Variants in CEPT1 observed in about 807,000 individuals in gnomAD.
CEPT1 encodes choline/ethanolamine phosphotransferase 1.
Under a neutral mutation model 42.6 loss-of-function variants are expected in CEPT1, and 7 were observed. The ratio of observed to expected loss-of-function variants is 0.16; its 90% confidence interval spans 0.09 to 0.31. The LOEUF is 0.31. Among genes scored for constraint, CEPT1 ranks in the 10% least tolerant of loss-of-function variants. The pLI, the probability that CEPT1 is intolerant of heterozygous loss-of-function variation, is 1.00. For synonymous variants in CEPT1, 171 were observed against 171.9 expected, an observed-to-expected ratio of 0.99 and a Z score of 0.04; for missense variants, 306 against 502.1, an observed-to-expected ratio of 0.61 and a Z score of 3.73.
chr1:111,144,255 T>G (rs1482813978), intron 1 of CEPT1, among the ~76,000 whole-genome samples: 2 of 152,080 alleles, frequency 1.3e-5, no homozygotes, highest in East Asian at 3.9e-4. Context: ...GAAGGAAGAG[T>G]AGAGATGAAC....
intron 4 of CEPT1, 27 bp downstream of exon 4, chr1:111,161,323 G>T: frequency 6.4e-7 from 1 of 1,574,230 alleles, no homozygotes; most frequent in Non-Finnish European, 8.6e-7. Flanking sequence ...GGTAATTTTT[G>T]TTTTCTCTTT....
At chr1:111,147,344 C>T (rs1349926655) in intron 1 of CEPT1, among the ~76,000 whole-genome samples, 1 of 152,170 alleles carries the variant, frequency 6.6e-6, no homozygotes, top group African/African-American at 2.4e-5. Flanking sequence ...TTGCATTATA[C>T]AACTGAAAGC....
intron 4 of CEPT1, among the ~76,000 whole-genome samples, chr1:111,171,781 C>G (rs970691232): frequency 1.3e-5 from 2 of 152,252 alleles, no homozygotes; most frequent in African/African-American, 4.8e-5. Flanking sequence ...TCTTGTTGCC[C>G]AGGCTGGAGT....
chr1:111,160,731 T>G (rs1244725575), intron 3 of CEPT1: 1 of 165,006 alleles, frequency 6.1e-6, no homozygotes, highest in African/African-American at 2.4e-5. Flanking sequence ...ATGTCACCCA[T>G]AACAATATCT....
intron 4 of CEPT1, among the ~76,000 whole-genome samples, chr1:111,162,929 G>A (rs1655943954): frequency 6.6e-6 from 1 of 152,092 alleles, no homozygotes; most frequent in Non-Finnish European, 1.5e-5. Flanking sequence ...GAGAGAATAT[G>A]GGCTCAAAGG....
chr1:111,175,498 C>CT, intron 5 of CEPT1, among the ~76,000 whole-genome samples: 1 of 152,272 alleles, frequency 6.6e-6, no homozygotes, highest in South Asian at 2.1e-4. Flanking sequence ...CCACAAACCT[C>CT]TGAGGTAGGG....
At position 111,151,620 on chromosome 1, in the gene CEPT1, T is replaced by C. The variant is rs564575724; in HGVS notation, c.339+3567T>C. Among the ~76,000 whole-genome samples, 7 of 152,306 alleles carry C rather than the reference T, an allele frequency of 4.6e-5. No homozygotes were observed. In the South Asian group the frequency reaches 1.5e-3, roughly 32 times the overall value. ...GGGAATGTTCAGGTTAAGATAAAGA[T>C]TGTGGAGACCAAAGTTCTTTTGAAG... On this transcript the variant is annotated intron_variant, in intron 2 of 8. Coordinates refer to ENST00000357172, the MANE Select transcript of CEPT1 (RefSeq NM_006090.5).
At chr1:111,168,672 T>A (rs1656262741) in intron 4 of CEPT1, among the ~76,000 whole-genome samples, 1 of 152,106 alleles carries the variant, frequency 6.6e-6, no homozygotes, top group Non-Finnish European at 1.5e-5. Flanking sequence ...GTATTTTTAG[T>A]AGAGACGGGG....
Position 111,161,019 on chromosome 1 carries a change from A to G in CEPT1, c.488-136A>G, listed in dbSNP as rs1655843007. 3.5e-6 allele frequency: 3 copies of G among 851,888 alleles called. No individual in the cohort carries two copies. In the South Asian group the frequency reaches 4.5e-5, roughly 13 times the overall value. 52.8% of individuals were successfully genotyped at this position (851,888 alleles called of 1,614,324 possible). Reference sequence around the variant, plus strand: ...GAGATTATGTAACAGATTATATCCTACTTTTCTGTTACAATAGATAACTGA... The same window carrying G: ...GAGATTATGTAACAGATTATATCCTGCTTTTCTGTTACAATAGATAACTGA... On this transcript the variant is annotated intron_variant, in intron 3 of 8. Transcript: ENST00000357172.
At chr1:111,183,439 A>C in intron 7 of CEPT1, 23 bp from the exon 8 acceptor site, 1 of 1,611,504 alleles carries the variant, frequency 6.2e-7, no homozygotes, top group Non-Finnish European at 8.5e-7. Flanking sequence ...GAAAATGCCT[A>C]CGTTATTCTG....
chr1:111,161,893 AAATT>A (rs1398170461), intron 4 of CEPT1, among the ~76,000 whole-genome samples: 1 of 152,266 alleles, frequency 6.6e-6, no homozygotes, highest in Non-Finnish European at 1.5e-5. Flanking sequence ...GAAGGAAAGA[AAATT>A]AACCATGGAT....
chr1:111,167,214 A>G (rs1656186302), intron 4 of CEPT1: 4 of 985,198 alleles, frequency 4.1e-6, no homozygotes, highest in Non-Finnish European at 2.4e-6. Flanking sequence ...TATTCATGCT[A>G]TCTGATGTAC....
At position 111,149,266 on chromosome 1, in the gene CEPT1, CT is replaced by C. The variant is rs775722606; in HGVS notation, c.339+1227del. Among the ~76,000 whole-genome samples the C allele has an allele frequency of 1.8e-3, 233 of 127,704 alleles. 1 individual carries two copies. Among genetic ancestry groups the C allele is most frequent in the Middle Eastern group, 4.1e-3 (1 of 242 alleles). 83.8% of individuals were successfully genotyped at this position (127,704 alleles called of 152,430 possible). ...ATAGATGTAAAATCTGGTTTCTCCT[CT>C]TTTTTTTTTTTTTGAGACAGGGTCT... On this transcript the variant is annotated intron_variant, in intron 2 of 8. Coordinates refer to ENST00000357172, the MANE Select transcript of CEPT1 (RefSeq NM_006090.5).
At chr1:111,167,321 G>T (rs1337513170) in intron 4 of CEPT1, 2 of 970,306 alleles carry the variant, frequency 2.1e-6, no homozygotes, top group African/African-American at 3.5e-5. Flanking sequence ...TCACAAACAG[G>T]TTATTAGAAA....
chr1:111,169,537 G>T (rs950705002), intron 4 of CEPT1, among the ~76,000 whole-genome samples: 7 of 152,008 alleles, frequency 4.6e-5, no homozygotes, highest in African/African-American at 1.4e-4. Flanking sequence ...AAAAACTAAT[G>T]CATTTTAACA....
intron 4 of CEPT1, among the ~76,000 whole-genome samples, chr1:111,163,422 G>T (rs1655972854): frequency 6.6e-6 from 1 of 152,112 alleles, no homozygotes; most frequent in Admixed American, 6.5e-5. Flanking sequence ...TTGAGCCCAG[G>T]ATTTCAAGAC....
At chr1:111,174,501 T>G (rs1485215323) in intron 4 of CEPT1, among the ~76,000 whole-genome samples, 1 of 152,090 alleles carries the variant, frequency 6.6e-6, no homozygotes, top group East Asian at 1.9e-4. Flanking sequence ...AAGCACTTAT[T>G]TCAAGATTTC....
At chr1:111,161,888 A>G (rs1571135650) in intron 4 of CEPT1, among the ~76,000 whole-genome samples, 1 of 152,254 alleles carries the variant, frequency 6.6e-6, no homozygotes, top group Non-Finnish European at 1.5e-5. Flanking sequence ...TGAAGGAAGG[A>G]AAGAAAATTA....
intron 6 of CEPT1, 63 bp from the exon 7 acceptor site, chr1:111,182,736 G>A: frequency 1.4e-6 from 2 of 1,398,904 alleles, no homozygotes; most frequent in Admixed American, 2.3e-5. Context: ...CTGTTCTGCA[G>A]CAGATCCATG....
Sources: allele counts gnomAD v4.1 joint callset (sites outside exome capture counted in the v4.1 genomes callset), GRCh38; gene constraint gnomAD v4.1.1; transcripts MANE v1.5; gene names NCBI Gene and HGNC (gene_info 2026-07-23, HGNC 2026-07-21).